TTC28: variants seen among roughly 807,000 people sequenced by gnomAD.
The protein encoded by TTC28 is tetratricopeptide repeat protein 28.
A neutral mutation model predicts 198.0 loss-of-function variants in TTC28; 61 were observed. The ratio of observed to expected loss-of-function variants is 0.31; its 90% confidence interval spans 0.25 to 0.38. TTC28 has a LOEUF of 0.38. Ranked by LOEUF, TTC28 falls within the 10% of genes least tolerant of loss-of-function variation. The pLI, the probability that TTC28 is intolerant of heterozygous loss-of-function variation, is 1.00. For missense variants in TTC28, 2,678 were observed against 3,164.0 expected (o/e 0.85, Z 3.69); for synonymous variants, 1,171 against 1,297.8 (o/e 0.90, Z 2.10).
intron 2 of TTC28, among the ~76,000 whole-genome samples, chr22:28,450,534 GCA>G (rs1289634171): frequency 6.6e-6 from 1 of 152,082 alleles, no homozygotes; most frequent in South Asian, 2.1e-4. Context: ...CCGCACACAA[GCA>G]CACACACAAT....
At chr22:28,132,393 C>T (rs903389821) in intron 6 of TTC28, among the ~76,000 whole-genome samples, 16 of 152,286 alleles carry the variant, frequency 1.1e-4, no homozygotes, top group South Asian at 4.1e-4. Context: ...TTCAACAGGA[C>T]GCTGATTATG....
At chr22:28,183,474 C>T (rs896055034) in intron 5 of TTC28, among the ~76,000 whole-genome samples, 3 of 152,210 alleles carry the variant, frequency 2.0e-5, no homozygotes, top group South Asian at 2.1e-4. Flanking sequence ...AGGACCCCAG[C>T]TGGTACCCTC....
At chr22:28,607,282 T>TA (rs774829672) in intron 2 of TTC28, among the ~76,000 whole-genome samples, 1 of 152,216 alleles carries the variant, frequency 6.6e-6, no homozygotes, top group Non-Finnish European at 1.5e-5. Context: ...TAAATACACT[T>TA]ATATGTTTTT....
chr22:28,087,205 CA>C (rs1016297422), intron 12 of TTC28, among the ~76,000 whole-genome samples: 1 of 151,672 alleles, frequency 6.6e-6, no homozygotes, highest in Non-Finnish European at 1.5e-5. Flanking sequence ...AGAGACAAAA[CA>C]AAAAAAGAGA....
intron 2 of TTC28, among the ~76,000 whole-genome samples, chr22:28,421,666 G>C (rs2146172232): frequency 6.6e-6 from 1 of 152,290 alleles, no homozygotes; most frequent in East Asian, 1.9e-4. Context: ...AAGAGTCATG[G>C]GCCGGGTGCG....
In TTC28 at chr22:28,108,001, G is replaced by C. The variant is rs765115761; in HGVS notation, c.1844C>G (p.Pro615Arg). The C allele has an allele frequency of 4.3e-5, 67 of 1,551,462 alleles. No homozygotes were observed. Among genetic ancestry groups the C allele is most frequent in the Non-Finnish European group, 5.4e-5 (62 of 1,146,986 alleles). Residue 615 changes from proline to arginine, a missense_variant, in exon 7 of 23, where the codon CCC becomes CGC. Physicochemically the swap from Pro to Arg is moderately radical, Grantham distance 103. Transcript: ENST00000397906. ...AAGCCGGAGGTACTGTTCATAATAGGGGGCAGCCTGGACATACTCTCCCCG... is the reference window on the plus strand; with the variant it reads ...AAGCCGGAGGTACTGTTCATAATAGCGGGCAGCCTGGACATACTCTCCCCG... ...CSRGEYVQAAPYYEQYLRLAP... is the reference protein window; with the variant it reads ...CSRGEYVQAARYYEQYLRLAP...
intron 2 of TTC28, among the ~76,000 whole-genome samples, chr22:28,609,839 T>G (rs2050790439): frequency 6.6e-6 from 1 of 152,194 alleles, no homozygotes; most frequent in Non-Finnish European, 1.5e-5. Context: ...ATCTACTGAC[T>G]TGAAATTCTC....
At chr22:28,409,042 C>T (rs939618567) in intron 2 of TTC28, among the ~76,000 whole-genome samples, 11 of 152,194 alleles carry the variant, frequency 7.2e-5, no homozygotes, top group Admixed American at 4.6e-4. Context: ...TGACTCTTTT[C>T]GTTGCTTCCT....
chr22:28,127,894 A>ATT lies in TTC28; in HGVS notation c.1442-19493_1442-19492dup, dbSNP rs35611269. 1.2e-3 allele frequency among the ~76,000 whole-genome samples: 159 copies of ATT among 137,592 alleles called. 1 individual carries two copies. The highest frequency in any genetic ancestry group is 8.9e-3 in the South Asian group (37 of 4,180). 90.3% of individuals were successfully genotyped at this position (137,592 alleles called of 152,430 possible). On this transcript the variant is annotated intron_variant, in intron 6 of 22. Coordinates refer to ENST00000397906, the MANE Select transcript of TTC28 (RefSeq NM_001145418.2). ...AGGTTCAAATCACCATGCCTGGCTA[A>ATT]TTTTTTTTTTTTTTTTTGGGGGTGG... is the stretch of plus-strand genomic sequence containing the variant.
chr22:28,562,316 T>G (rs2049897102), intron 2 of TTC28, among the ~76,000 whole-genome samples: 1 of 152,236 alleles, frequency 6.6e-6, no homozygotes, highest in Non-Finnish European at 1.5e-5. Context: ...AATTTCTCCA[T>G]TATAGATGTA....
At chr22:27,992,973 T>A in intron 18 of TTC28, 1 of 555,994 alleles carries the variant, frequency 1.8e-6, no homozygotes, top group Non-Finnish European at 3.2e-6. Flanking sequence ...CACAGCTTCA[T>A]CGGGGCCACA....
chr22:28,297,342 G>T (rs1447383257), intron 4 of TTC28, among the ~76,000 whole-genome samples: 1 of 151,726 alleles, frequency 6.6e-6, no homozygotes, highest in Non-Finnish European at 1.5e-5. Flanking sequence ...CTCCGGAGTA[G>T]CTAAGACACA....
chr22:28,296,344 A>G lies in TTC28; in HGVS notation c.803-16T>C. 9.4e-7 allele frequency: 1 copy of G among 1,058,530 alleles called. No individual in the cohort carries two copies. The highest frequency in any genetic ancestry group is 1.7e-5 in the African/African-American group (1 of 60,082). The allele number at this position is 1,058,530 out of a possible 1,614,324, so 65.6% of individuals were successfully genotyped here. On this transcript the variant is annotated splice_polypyrimidine_tract_variant and intron_variant, in intron 4 of 22. Coordinates refer to ENST00000397906, the MANE Select transcript of TTC28 (RefSeq NM_001145418.2). The stretch of plus-strand genomic sequence containing the variant: ...GTCTGGTCACCTGGATTGAATTGAG[A>G]AAAAAAAAAAGAAAAAATTTCTCTA...
chr22:28,459,596 G>A (rs1009824776), intron 2 of TTC28, among the ~76,000 whole-genome samples: 2 of 152,106 alleles, frequency 1.3e-5, no homozygotes, highest in Non-Finnish European at 2.9e-5. Flanking sequence ...CTTAATTTTC[G>A]CAGAAAGCAT....
At chr22:28,400,269 C>A (rs1158222458) in intron 2 of TTC28, among the ~76,000 whole-genome samples, 3 of 152,150 alleles carry the variant, frequency 2.0e-5, no homozygotes, top group Non-Finnish European at 4.4e-5. Flanking sequence ...CTCTGTCTGC[C>A]GTGCCAGGTA....
At chr22:28,289,748 AAGCAC>A (rs1359210778) in intron 5 of TTC28, among the ~76,000 whole-genome samples, 1 of 152,212 alleles carries the variant, frequency 6.6e-6, no homozygotes, top group East Asian at 1.9e-4. Flanking sequence ...TTTTTTGTGC[AAGCAC>A]AGTGGCTCAT....
At chr22:28,282,334 T>A (rs561937929) in intron 5 of TTC28, among the ~76,000 whole-genome samples, 11 of 152,304 alleles carry the variant, frequency 7.2e-5, no homozygotes, top group African/African-American at 2.6e-4. Context: ...ATGAAAATAG[T>A]CTATGATTCA....
intron 5 of TTC28, among the ~76,000 whole-genome samples, chr22:28,275,973 A>G (rs922477277): frequency 6.6e-6 from 1 of 152,028 alleles, no homozygotes. Flanking sequence ...AGTTTTATAG[A>G]TGGCTAAGAG....
intron 5 of TTC28, among the ~76,000 whole-genome samples, chr22:28,180,929 A>G (rs1387969783): frequency 3.3e-5 from 5 of 152,222 alleles, no homozygotes; most frequent in African/African-American, 4.8e-5. Context: ...GTTTGTTCCA[A>G]TGCCTAAGCC....
Sources: allele counts gnomAD v4.1 joint callset (sites outside exome capture counted in the v4.1 genomes callset), GRCh38; gene constraint gnomAD v4.1.1; transcripts MANE v1.5; gene names NCBI Gene and HGNC (gene_info 2026-07-23, HGNC 2026-07-21).